Variants in MDGA2 observed in about 807,000 individuals in gnomAD.
MDGA2 encodes the protein MAM domain-containing glycosylphosphatidylinositol anchor protein 2.
In MDGA2, 40 loss-of-function variants were observed where a neutral mutation model predicts 117.8. The observed-to-expected ratio is 0.34, with a 90% confidence interval of 0.26 to 0.44. The LOEUF is 0.44. MDGA2 is among the 20% of genes least tolerant of loss of function. MDGA2 has a pLI of 1.00. For synonymous variants in MDGA2, 452 were observed against 439.0 expected, an observed-to-expected ratio of 1.03 and a Z score of -0.37; for missense variants, 1,123 against 1,250.6, an observed-to-expected ratio of 0.90 and a Z score of 1.54.
intron 3 of MDGA2, among the ~76,000 whole-genome samples, chr14:47,202,463 T>C (rs1885542782): frequency 6.6e-6 from 1 of 152,148 alleles, no homozygotes; most frequent in Admixed American, 6.5e-5. Context: ...CACCAACCCA[T>C]GTGAAGGTCA....
intron 2 of MDGA2, among the ~76,000 whole-genome samples, chr14:47,264,871 C>T (rs911170033): frequency 6.6e-6 from 1 of 152,032 alleles, no homozygotes; most frequent in African/African-American, 2.4e-5. Flanking sequence ...CATCCCCAGA[C>T]AGGCCCCCAT....
chr14:47,381,943 A>G (rs1461694754), intron 1 of MDGA2, among the ~76,000 whole-genome samples: 1 of 152,286 alleles, frequency 6.6e-6, no homozygotes, highest in East Asian at 1.9e-4. Flanking sequence ...GAGGCATCAC[A>G]CTACCTGACT....
chr14:47,457,601 C>G (rs1051555210), intron 1 of MDGA2, among the ~76,000 whole-genome samples: 2 of 152,104 alleles, frequency 1.3e-5, no homozygotes, highest in African/African-American at 4.8e-5. Context: ...CTCAATATGA[C>G]TTGTATTCTA....
chr14:46,897,648 ACAG>A (rs770085001), intron 10 of MDGA2, among the ~76,000 whole-genome samples: 92,665 of 150,208 alleles, frequency 0.62, 29,689 homozygotes, highest in Admixed American at 0.73. Context: ...AAGATGTTTA[ACAG>A]TAAGTAAGAA....
rs186608165 is a variant in MDGA2, at chr14:47,535,665, A to C, written c.280+138852T>G. Among the ~76,000 whole-genome samples, 98 of 152,362 alleles carry C rather than the reference A, an allele frequency of 6.4e-4. 1 individual carries two copies. The East Asian group carries it at 0.012, about 18-fold the overall frequency. ...CTCAGAAGTGGTGATGTTTGATATA[A>C]GTAAATTCAAACAAAAAGGAGGACA... On this transcript the variant is annotated intron_variant, in intron 1 of 16. Transcript: ENST00000399232.
At chr14:47,269,229 C>T (rs545167190) in intron 2 of MDGA2, among the ~76,000 whole-genome samples, 1 of 152,162 alleles carries the variant, frequency 6.6e-6, no homozygotes, top group African/African-American at 2.4e-5. Flanking sequence ...GAAGCTATGT[C>T]ATATATGTAT....
Position 47,486,116 on chromosome 14 carries a change from G to A in MDGA2, c.281-184566C>T, listed in dbSNP as rs116009292. On this transcript the variant is annotated intron_variant, in intron 1 of 16. Transcript: ENST00000399232. The stretch of plus-strand genomic sequence containing the variant: ...GGAAAAGCTGCAGACACTCAATGGC[G>A]GTCTGTGAAAGCAGCCAGGAGGGAG... Among the ~76,000 whole-genome samples the A allele has an allele frequency of 7.9e-4, 121 of 152,266 alleles. 1 individual carries two copies. The highest frequency in any genetic ancestry group is 2.8e-3 in the African/African-American group (115 of 41,566).
chr14:47,634,771 T>C (rs1195849724), intron 1 of MDGA2, among the ~76,000 whole-genome samples: 1 of 152,100 alleles, frequency 6.6e-6, no homozygotes, highest in African/African-American at 2.4e-5. Flanking sequence ...TTATTTACTT[T>C]GTGACAAATG....
Position 46,934,229 on chromosome 14 carries a change from C to A in MDGA2, c.2090-14069G>T, listed in dbSNP as rs570352533. 3.9e-5 allele frequency among the ~76,000 whole-genome samples: 6 copies of A among 152,152 alleles called. No homozygotes were observed. In the East Asian group the frequency reaches 1.2e-3, roughly 29 times the overall value. ...TCCAAGGGGCCTTCATTCACCACTACTCTAGCAAGTATTTAAGACACATAC... is the reference window on the plus strand; with the variant it reads ...TCCAAGGGGCCTTCATTCACCACTAATCTAGCAAGTATTTAAGACACATAC... On this transcript the variant is annotated intron_variant, in intron 9 of 16. Transcript: ENST00000399232.
intron 9 of MDGA2, among the ~76,000 whole-genome samples, chr14:46,947,527 A>C (rs1885215328): frequency 6.6e-6 from 1 of 151,812 alleles, no homozygotes; most frequent in Non-Finnish European, 1.5e-5. Context: ...TGTGGGAGGG[A>C]TCTGGTGGGA....
chr14:47,062,108 A>T (rs1013505064), intron 6 of MDGA2, among the ~76,000 whole-genome samples: 2 of 152,084 alleles, frequency 1.3e-5, no homozygotes, highest in Non-Finnish European at 2.9e-5. Flanking sequence ...ATTCACATTC[A>T]TGAAACATTT....
At chr14:47,315,021 C>A (rs1030128698) in intron 1 of MDGA2, among the ~76,000 whole-genome samples, 14 of 152,016 alleles carry the variant, frequency 9.2e-5, no homozygotes, top group East Asian at 3.9e-4. Flanking sequence ...AGTTAATTTT[C>A]TGATATCTTT....
At chr14:47,238,423 A>G (rs1886936944) in intron 2 of MDGA2, among the ~76,000 whole-genome samples, 1 of 151,768 alleles carries the variant, frequency 6.6e-6, no homozygotes, top group South Asian at 2.1e-4. Context: ...GTCTTTCTTT[A>G]GAATATTCTG....
At chr14:47,585,184 T>A (rs774459526) in intron 1 of MDGA2, among the ~76,000 whole-genome samples, 1 of 151,890 alleles carries the variant, frequency 6.6e-6, no homozygotes, top group Non-Finnish European at 1.5e-5. Context: ...TGAAAATATA[T>A]TGAGTGACTA....
chr14:47,381,387 AG>A (rs778833061), intron 1 of MDGA2, among the ~76,000 whole-genome samples: 6 of 152,212 alleles, frequency 3.9e-5, no homozygotes, highest in Non-Finnish European at 8.8e-5. Context: ...AAAGAAATAA[AG>A]GGTATTCAAT....
intron 1 of MDGA2, among the ~76,000 whole-genome samples, chr14:47,571,940 C>T (rs1298386298): frequency 6.6e-6 from 1 of 152,078 alleles, no homozygotes; most frequent in Non-Finnish European, 1.5e-5. Context: ...CACAAACACA[C>T]CTGAACAGTA....
intron 8 of MDGA2, among the ~76,000 whole-genome samples, chr14:47,026,006 T>C (rs1888461255): frequency 6.6e-6 from 1 of 152,176 alleles, no homozygotes; most frequent in Admixed American, 6.5e-5. Flanking sequence ...TCTAAGACCC[T>C]TGGTAGATTA....
At chr14:47,498,044 C>T (rs1001559911) in intron 1 of MDGA2, among the ~76,000 whole-genome samples, 1 of 152,036 alleles carries the variant, frequency 6.6e-6, no homozygotes, top group African/African-American at 2.4e-5. Context: ...ATAAATATTC[C>T]TTTAAGTAAG....
chr14:47,090,181 G>C (rs1594609188), intron 6 of MDGA2, among the ~76,000 whole-genome samples: 1 of 151,996 alleles, frequency 6.6e-6, no homozygotes, highest in Non-Finnish European at 1.5e-5. Flanking sequence ...CTTTCATGTT[G>C]ATAAACTAGA....
Sources: gnomAD v4.1 joint callset for allele counts (sites outside exome capture counted in the v4.1 genomes callset) on GRCh38, gnomAD v4.1.1 for gene constraint, MANE v1.5 for transcripts, NCBI Gene and HGNC (gene_info 2026-07-23, HGNC 2026-07-21) for gene names.